The following CACNA1C variants were observed in gnomAD, a reference collection of about 807,000 sequenced individuals.
CACNA1C encodes the protein voltage-dependent L-type calcium channel subunit alpha-1C.
CACNA1C carries 30 observed loss-of-function variants against 229.0 expected under a neutral mutation model. The observed-to-expected ratio is 0.13, with a 90% CI of 0.10 to 0.18. CACNA1C has a LOEUF of 0.18. CACNA1C is among the 10% of genes least tolerant of loss of function. CACNA1C has a pLI of 1.00. For synonymous variants in CACNA1C, 1,114 were observed against 1,132.5 expected (o/e 0.98, Z 0.33); for missense variants, 1,658 against 2,845.0 (o/e 0.58, Z 9.49).
intron 3 of CACNA1C, among the ~76,000 whole-genome samples, chr12:2,205,969 A>G (rs1566384500): frequency 6.6e-6 from 1 of 152,158 alleles, no homozygotes; most frequent in Non-Finnish European, 1.5e-5. Flanking sequence ...CTAATTGCCT[A>G]CGAAAGCCCC....
chr12:2,168,671 T>C (rs1433562768), intron 3 of CACNA1C, among the ~76,000 whole-genome samples: 1 of 152,188 alleles, frequency 6.6e-6, no homozygotes, highest in Non-Finnish European at 1.5e-5. Context: ...TATGTGATCT[T>C]AAATGGCCTA....
intron 1 of CACNA1C, among the ~76,000 whole-genome samples, chr12:2,103,960 A>G (rs1213891812): frequency 6.6e-6 from 1 of 152,192 alleles, no homozygotes; most frequent in Non-Finnish European, 1.5e-5. Context: ...TACCAGTACC[A>G]TGCCGTTTTG....
chr12:2,318,190 A>G (rs1215079751), intron 3 of CACNA1C, among the ~76,000 whole-genome samples: 1 of 152,242 alleles, frequency 6.6e-6, no homozygotes, highest in Non-Finnish European at 1.5e-5. Flanking sequence ...TGAGGCATTT[A>G]AAGAATGATC....
chr12:2,665,452 G>A lies in CACNA1C; in HGVS notation c.4399-129G>A. The A allele has an allele frequency of 1.0e-6, 1 of 981,296 alleles. No individual in the cohort carries two copies. Among genetic ancestry groups the A allele is most frequent in the South Asian group, 1.4e-5 (1 of 72,952 alleles). 60.8% of individuals were successfully genotyped at this position (981,296 alleles called of 1,614,324 possible). A position where few individuals can be genotyped will look rare whatever the true frequency, so the allele number is the denominator to read the frequency against. On this transcript the variant is annotated intron_variant, in intron 35 of 46. Transcript: ENST00000399655. The surrounding 1 kb of genome is among the most constrained non-coding windows in gnomAD (Gnocchi z 5.9). Reference sequence around the variant, plus strand: ...CCAAGAGACCCAGGTTCTCAGGCTGGTAGGATGGATGACTGGTCTTTAGAA... The same window carrying A: ...CCAAGAGACCCAGGTTCTCAGGCTGATAGGATGGATGACTGGTCTTTAGAA...
At chr12:2,109,824 TC>T (rs1007686966) in intron 1 of CACNA1C, among the ~76,000 whole-genome samples, 10 of 152,088 alleles carry the variant, frequency 6.6e-5, no homozygotes, top group South Asian at 2.1e-4. Flanking sequence ...TTAGAACTTC[TC>T]CCCCATGGTT....
At chr12:1,992,913 T>C in intron 1 of CACNA1C, 1 of 541,018 alleles carries the variant, frequency 1.8e-6, no homozygotes, top group Non-Finnish European at 3.3e-6. Context: ...TAATTCTTCG[T>C]TCAGGGAGCC....
Position 2,653,717 on chromosome 12 carries a change from C to T in CACNA1C, c.4075-118C>T, listed in dbSNP as rs1282285058. 1.9e-5 allele frequency: 16 copies of T among 825,732 alleles called. No homozygotes were observed. Among genetic ancestry groups the T allele is most frequent in the South Asian group, 8.8e-5 (6 of 68,570 alleles). The allele number at this position is 825,732 out of a possible 1,614,324, so 51.2% of individuals were successfully genotyped here. Reference sequence around the variant, plus strand: ...CTGTGGGACTCTTGGAAGTGTCCCCCGGCCCAAACCGGGCAATAGCTGATG... The same window carrying T: ...CTGTGGGACTCTTGGAAGTGTCCCCTGGCCCAAACCGGGCAATAGCTGATG... On this transcript the variant is annotated intron_variant, in intron 32 of 46. Coordinates refer to ENST00000399655, the MANE Select transcript of CACNA1C (RefSeq NM_000719.7). The surrounding 1 kb of genome is among the most constrained non-coding windows in gnomAD (Gnocchi z 4.7).
intron 5 of CACNA1C, among the ~76,000 whole-genome samples, chr12:2,473,419 C>T (rs2099603497): frequency 6.6e-6 from 1 of 152,184 alleles, no homozygotes; most frequent in Admixed American, 6.5e-5. Flanking sequence ...GCTCTTTGTG[C>T]TGTCCTCGGG....
chr12:2,098,198 A>G (rs1309310059), intron 1 of CACNA1C, among the ~76,000 whole-genome samples: 1 of 152,202 alleles, frequency 6.6e-6, no homozygotes, highest in Non-Finnish European at 1.5e-5. Context: ...AAGGAATGAC[A>G]GCCTCAGGGG....
intron 7 of CACNA1C, among the ~76,000 whole-genome samples, chr12:2,500,930 G>A (rs2099758147): frequency 6.6e-6 from 1 of 152,028 alleles, no homozygotes; most frequent in African/African-American, 2.4e-5. Flanking sequence ...AAGCAGGCCG[G>A]GGGCAGTGGC....
At chr12:2,634,244 C>A in intron 29 of CACNA1C, 53 bp from the exon 30 acceptor site, 3 of 413,184 alleles carry the variant, frequency 7.3e-6, no homozygotes, top group African/African-American at 4.3e-5. Flanking sequence ...TTTGTTTTGT[C>A]CTTTCTTGTT....
At chr12:2,080,078 T>C (rs1298889481) in intron 1 of CACNA1C, among the ~76,000 whole-genome samples, 1 of 151,908 alleles carries the variant, frequency 6.6e-6, no homozygotes, top group Non-Finnish European at 1.5e-5. Context: ...CTGGCCAACA[T>C]GGTGAAACCT....
At chr12:2,446,189 A>G (rs1057481453) in intron 3 of CACNA1C, among the ~76,000 whole-genome samples, 3 of 131,980 alleles carry the variant, frequency 2.3e-5, no homozygotes, top group African/African-American at 9.2e-5. Context: ...GGATATATGT[A>G]GGTGGGTGGG....
At chr12:2,092,550 C>T (rs1028273015) in intron 1 of CACNA1C, among the ~76,000 whole-genome samples, 6 of 152,102 alleles carry the variant, frequency 3.9e-5, no homozygotes, top group Non-Finnish European at 5.9e-5. Flanking sequence ...ACAGGTGGCC[C>T]GACTCTCCTC....
chr12:2,093,278 T>G (rs1595653047), intron 1 of CACNA1C, among the ~76,000 whole-genome samples: 1 of 152,150 alleles, frequency 6.6e-6, no homozygotes, highest in Non-Finnish European at 1.5e-5. Context: ...GGGTAGTATC[T>G]TACACAGCCG....
At chr12:2,380,276 G>C (rs2098203616) in intron 3 of CACNA1C, among the ~76,000 whole-genome samples, 2 of 151,586 alleles carry the variant, frequency 1.3e-5, no homozygotes, top group South Asian at 4.1e-4. Flanking sequence ...ACCCTAACTT[G>C]CATGGTGCTT....
intron 3 of CACNA1C, among the ~76,000 whole-genome samples, chr12:2,254,626 C>T (rs1000718604): frequency 2.2e-4 from 33 of 152,292 alleles, no homozygotes; most frequent in African/African-American, 7.7e-4. Flanking sequence ...TCACCCCTGT[C>T]CCCTTTGCTG....
intron 3 of CACNA1C, among the ~76,000 whole-genome samples, chr12:2,334,896 G>C (rs1228529380): frequency 6.6e-6 from 1 of 152,164 alleles, no homozygotes; most frequent in Non-Finnish European, 1.5e-5. Context: ...GTTCAAGAAA[G>C]ATAAGACCGT....
rs544481082 is a variant in CACNA1C at position 2,310,031 on chromosome 12, A to G, written c.478-138945A>G. Among the ~76,000 whole-genome samples, 7 of 152,340 alleles carry G rather than the reference A, an allele frequency of 4.6e-5. No individual in the cohort carries two copies. In the South Asian group the frequency reaches 6.2e-4, roughly 14 times the overall value. ...CAGAGACCTGGTGGCCTGGAAGTCTATAAGATCTATGTTTAAATCTTTCTG... is the reference window on the plus strand; with the variant it reads ...CAGAGACCTGGTGGCCTGGAAGTCTGTAAGATCTATGTTTAAATCTTTCTG... On this transcript the variant is annotated intron_variant, in intron 3 of 46. Transcript: ENST00000399655.
Sources: gnomAD v4.1 joint callset for allele counts (sites outside exome capture counted in the v4.1 genomes callset) on GRCh38, gnomAD v4.1.1 for gene constraint, Gnocchi (gnomAD v3.1) non-coding constraint, MANE v1.5 for transcripts, NCBI Gene and HGNC (gene_info 2026-07-23, HGNC 2026-07-21) for gene names.